EDIL3: variants seen among roughly 807,000 people sequenced by gnomAD.
The protein encoded by EDIL3 is EGF like and discoidin domains 3.
EDIL3 carries 37 observed loss-of-function variants against 67.4 expected under a neutral mutation model. The ratio of observed to expected loss-of-function variants is 0.55; its 90% CI spans 0.42 to 0.72. The LOEUF is 0.72. EDIL3 is among the 30% of genes least tolerant of loss of function. The pLI is 0.00. For missense variants in EDIL3, 527 were observed against 586.3 expected (o/e 0.90, Z 1.04); for synonymous variants, 195 against 196.3 (o/e 0.99, Z 0.05).
chr5:84,342,996 C>T (rs1747157054), intron 1 of EDIL3, among the ~76,000 whole-genome samples: 1 of 152,062 alleles, frequency 6.6e-6, no homozygotes, highest in South Asian at 2.1e-4. Context: ...TCTATCCATT[C>T]ATTTGTAATC....
chr5:84,366,417 C>T (rs2112206931), intron 1 of EDIL3, among the ~76,000 whole-genome samples: 1 of 152,214 alleles, frequency 6.6e-6, no homozygotes, highest in South Asian at 2.1e-4. Flanking sequence ...AGTTAGTAAT[C>T]CGTTGAAGCA....
chr5:84,275,516 T>G (rs1015894595), intron 1 of EDIL3, among the ~76,000 whole-genome samples: 1 of 152,362 alleles, frequency 6.6e-6, no homozygotes, highest in South Asian at 2.1e-4. Flanking sequence ...ATCTCAATTA[T>G]GTATAAGTTA....
At chr5:83,985,982 A>G (rs1192487823) in intron 9 of EDIL3, among the ~76,000 whole-genome samples, 1 of 152,048 alleles carries the variant, frequency 6.6e-6, no homozygotes, top group African/African-American at 2.4e-5. Context: ...AAAATTTCCT[A>G]TTACGAAGTA....
chr5:84,027,086 C>A (rs570756246), intron 9 of EDIL3, among the ~76,000 whole-genome samples: 2 of 152,148 alleles, frequency 1.3e-5, no homozygotes, highest in East Asian at 1.9e-4. Context: ...TGGGCTGAGA[C>A]CCTGTCTCAA....
At position 84,086,597 on chromosome 5, in the gene EDIL3, G is replaced by A. The variant is rs115815603; in HGVS notation, c.652-19991C>T. 6.6e-3 allele frequency among the ~76,000 whole-genome samples: 998 copies of A among 152,100 alleles called. 5 individuals carry two copies. The highest frequency in any genetic ancestry group is 0.011 in the Non-Finnish European group (716 of 67,988). ...CTGCAGACCAGAGCTGTTTCTATTC[G>A]GCCATCTTGGCCCCTCCAAAAAGGG... On this transcript the variant is annotated intron_variant, in intron 6 of 10. Transcript: ENST00000296591.
chr5:84,273,269 T>C (rs1010714961), intron 1 of EDIL3, among the ~76,000 whole-genome samples: 13 of 152,152 alleles, frequency 8.5e-5, no homozygotes, highest in African/African-American at 3.1e-4. Context: ...AGGGCGCTAA[T>C]GGTCCCAAGC....
At chr5:84,347,504 A>C (rs1747259993) in intron 1 of EDIL3, among the ~76,000 whole-genome samples, 1 of 152,182 alleles carries the variant, frequency 6.6e-6, no homozygotes, top group African/African-American at 2.4e-5. Flanking sequence ...TTCTTAACAT[A>C]AATATACGTA....
chr5:84,255,806 G>C (rs1689749643), intron 1 of EDIL3, among the ~76,000 whole-genome samples: 1 of 152,172 alleles, frequency 6.6e-6, no homozygotes, highest in Non-Finnish European at 1.5e-5. Context: ...TTAGAAAAGA[G>C]AGTCATAAAA....
intron 4 of EDIL3, among the ~76,000 whole-genome samples, chr5:84,170,887 C>T (rs1345326516): frequency 4.6e-5 from 7 of 151,264 alleles, no homozygotes; most frequent in African/African-American, 1.5e-4. Flanking sequence ...CTCCACCTCC[C>T]GGGTTCAAGC....
At chr5:84,226,964 T>C (rs1024387096) in intron 3 of EDIL3, among the ~76,000 whole-genome samples, 1 of 151,992 alleles carries the variant, frequency 6.6e-6, no homozygotes, top group East Asian at 1.9e-4. Flanking sequence ...CAAGTAGCTA[T>C]ATTATACTTA....
chr5:84,176,860 A>G (rs1748927436), intron 4 of EDIL3, among the ~76,000 whole-genome samples: 1 of 151,834 alleles, frequency 6.6e-6, no homozygotes, highest in Non-Finnish European at 1.5e-5. Flanking sequence ...ATCCAATACT[A>G]ATCATTATTC....
chr5:84,325,791 A>T (rs1746744645), intron 1 of EDIL3, among the ~76,000 whole-genome samples: 1 of 152,112 alleles, frequency 6.6e-6, no homozygotes, highest in South Asian at 2.1e-4. Flanking sequence ...ATACAATGGA[A>T]TATTATTCAG....
At chr5:84,181,456 G>A (rs1749011578) in intron 3 of EDIL3, among the ~76,000 whole-genome samples, 1 of 152,194 alleles carries the variant, frequency 6.6e-6, no homozygotes, top group South Asian at 2.1e-4. Context: ...ACTCTGAGGT[G>A]CCCCAATGGT....
At chr5:84,114,149 T>TTTTTTTTTTG (rs1747623504) in intron 5 of EDIL3, among the ~76,000 whole-genome samples, 1 of 88,164 alleles carries the variant, frequency 1.1e-5, no homozygotes, top group East Asian at 2.8e-4. Flanking sequence ...AACCCTAAAG[T>TTTTTTTTTTG]TTTTTTTTTT....
At chr5:84,131,202 T>A (rs1297530732) in intron 5 of EDIL3, among the ~76,000 whole-genome samples, 6 of 152,156 alleles carry the variant, frequency 3.9e-5, no homozygotes, top group African/African-American at 1.4e-4. Flanking sequence ...GTATTTTAGG[T>A]ATTTTACATA....
At chr5:84,034,609 G>A (rs1453090356) in intron 9 of EDIL3, among the ~76,000 whole-genome samples, 1 of 152,142 alleles carries the variant, frequency 6.6e-6, no homozygotes, top group African/African-American at 2.4e-5. Flanking sequence ...AGACAAGGGA[G>A]GGTGTTCATT....
intron 4 of EDIL3, among the ~76,000 whole-genome samples, chr5:84,168,124 A>G (rs988454737): frequency 6.6e-6 from 1 of 152,208 alleles, no homozygotes; most frequent in Non-Finnish European, 1.5e-5. Context: ...TGAGAGCAAA[A>G]TCAATCATTC....
At chr5:84,134,091 T>A (rs191714419) in intron 5 of EDIL3, among the ~76,000 whole-genome samples, 153 of 152,168 alleles carry the variant, frequency 1.0e-3, no homozygotes, top group Non-Finnish European at 1.2e-3. Context: ...TTGCAACAGG[T>A]CATAATAGAG....
chr5:84,383,180 T>C (rs1000807036), intron 1 of EDIL3, among the ~76,000 whole-genome samples: 3 of 152,204 alleles, frequency 2.0e-5, no homozygotes, highest in Non-Finnish European at 4.4e-5. Flanking sequence ...CAGAGGATTC[T>C]ATTACCCGCG....
Sources: allele counts gnomAD v4.1 joint callset (sites outside exome capture counted in the v4.1 genomes callset), GRCh38; gene constraint gnomAD v4.1.1; transcripts MANE v1.5; gene names NCBI Gene and HGNC (gene_info 2026-07-23, HGNC 2026-07-21).